YWHAZ: variants seen among roughly 807,000 people sequenced by gnomAD.
The protein encoded by YWHAZ is tyrosine 3-monooxygenase/tryptophan 5-monooxygenase activation protein zeta.
For missense variants in YWHAZ, 79 were observed against 284.8 expected (o/e 0.28, Z 5.20); for synonymous variants, 87 against 103.6 (o/e 0.84, Z 0.97).
chr8:100,945,729 C>T (rs1186966750), intron 2 of YWHAZ, among the ~76,000 whole-genome samples: 2 of 151,926 alleles, frequency 1.3e-5, no homozygotes, highest in African/African-American at 2.4e-5. Flanking sequence ...TTTCCAGAGT[C>T]GATGTGACCT....
chr8:100,934,382 A>G lies in YWHAZ; in HGVS notation c.295-9343T>C, dbSNP rs1159697664. Among the ~76,000 whole-genome samples the G allele has an allele frequency of 2.6e-5, 4 of 151,220 alleles. No individual in the cohort carries two copies. In the East Asian group the frequency reaches 7.8e-4, roughly 30 times the overall value. ...AAGTAAGTTGCTACATACCCAAATA[A>G]TAGAATACTATACAGACATTAAGAG... On this transcript the variant is annotated intron_variant, in intron 2 of 5. Transcript: ENST00000395958.
intron 2 of YWHAZ, among the ~76,000 whole-genome samples, chr8:100,934,667 T>C (rs570575496): frequency 3.9e-4 from 59 of 152,150 alleles, no homozygotes; most frequent in Non-Finnish European, 6.3e-4. Flanking sequence ...ACCTGGGCGA[T>C]AGGGCGAGAC....
rs1055123210 is a variant in YWHAZ at position 100,916,625 on chromosome 8, A to G, written c.*4068T>C. 1.3e-5 allele frequency: 2 copies of G among 152,250 alleles called. No homozygotes were observed. The highest frequency in any genetic ancestry group is 4.8e-5 in the African/African-American group (2 of 41,462). 9.4% of individuals were successfully genotyped at this position (152,250 alleles called of 1,614,324 possible). A position where few individuals can be genotyped will look rare whatever the true frequency, so the allele number is the denominator to read the frequency against. On this transcript the variant is annotated 3_prime_UTR_variant, in exon 6 of 6. Transcript: ENST00000395958. The stretch of plus-strand genomic sequence containing the variant: ...GAATACTAAGAAGTAATCAATTAAG[A>G]CCAGTTAGGTTTGGACTTTCAAGGA...
chr8:100,925,606 A>T (rs1167731617), intron 2 of YWHAZ, among the ~76,000 whole-genome samples: 1 of 152,228 alleles, frequency 6.6e-6, no homozygotes, highest in Non-Finnish European at 1.5e-5. Context: ...TTTCCTAAAG[A>T]CAGTGGTAGG....
intron 5 of YWHAZ, among the ~76,000 whole-genome samples, chr8:100,921,202 T>C (rs1357195284): frequency 6.6e-6 from 1 of 152,062 alleles, no homozygotes; most frequent in Non-Finnish European, 1.5e-5. Flanking sequence ...CCCATCTAAT[T>C]TTTGTATTTT....
At chr8:100,935,210 T>C (rs1317240971) in intron 2 of YWHAZ, among the ~76,000 whole-genome samples, 8 of 152,180 alleles carry the variant, frequency 5.3e-5, no homozygotes, top group Admixed American at 2.6e-4. Flanking sequence ...ACTCTTAACC[T>C]ACTCATAGGC....
rs574013024 is a variant in YWHAZ, at chr8:100,934,691, CAA to C, written c.295-9654_295-9653del. 1.8e-4 allele frequency among the ~76,000 whole-genome samples: 27 copies of C among 152,052 alleles called. No homozygotes were observed. The South Asian group carries it at 5.0e-3, about 28-fold the overall frequency. ...ATAGGGCGAGACTGTCTCCAAAAAA[CAA>C]AAGAGTAAGGAGGTACCTGTCAAAA... On this transcript the variant is annotated intron_variant, in intron 2 of 5. Coordinates refer to ENST00000395958, the MANE Select transcript of YWHAZ (RefSeq NM_145690.3).
At chr8:100,950,793 C>G (rs1239042047) in intron 1 of YWHAZ, 1 of 177,110 alleles carries the variant, frequency 5.6e-6, no homozygotes, top group Non-Finnish European at 1.1e-5. Flanking sequence ...TCCCCGCCAC[C>G]GATCAGCGCC....
intron 2 of YWHAZ, among the ~76,000 whole-genome samples, chr8:100,927,340 A>T: frequency 6.6e-6 from 1 of 152,090 alleles, no homozygotes; most frequent in East Asian, 1.9e-4. Flanking sequence ...ACCCCGGTGA[A>T]CATGAGATCC....
rs1297435331 is a variant in YWHAZ, at chr8:100,951,982, C to T, written c.-65G>A. 4 of 1,002,438 alleles carry T rather than the reference C, an allele frequency of 4.0e-6. No individual in the cohort carries two copies. The highest frequency in any genetic ancestry group is 1.7e-5 in the African/African-American group (1 of 57,256). The allele number at this position is 1,002,438 out of a possible 1,614,324, so 62.1% of individuals were successfully genotyped here. ...ACGGACGGGCTCAGCAGTCTCTGGG[C>T]GGCGGCGGCGGCAGCAGCGGCGAGG... On this transcript the variant is annotated 5_prime_UTR_variant, in exon 1 of 6. Coordinates refer to ENST00000395958, the MANE Select transcript of YWHAZ (RefSeq NM_145690.3).
intron 5 of YWHAZ, 120 bp from the exon 6 acceptor site, chr8:100,920,872 C>G (rs1010581701): frequency 2.4e-6 from 2 of 828,600 alleles, no homozygotes; most frequent in African/African-American, 3.5e-5. Flanking sequence ...AAAAAGATAG[C>G]AGCATCACTT....
At chr8:100,952,462 C>G (rs1361330589), upstream of YWHAZ, 1 of 154,096 alleles carries the variant, frequency 6.5e-6, no homozygotes, top group African/African-American at 2.4e-5. Flanking sequence ...GCGTTCTCTC[C>G]CTACCCCCAC....
chr8:100,937,184 A>C (rs2130251371), intron 2 of YWHAZ, among the ~76,000 whole-genome samples: 1 of 152,302 alleles, frequency 6.6e-6, no homozygotes, highest in South Asian at 2.1e-4. Context: ...CCTCTTTCTA[A>C]ATCTGAAATT....
chr8:100,921,179 A>T (rs892229572), intron 5 of YWHAZ, among the ~76,000 whole-genome samples: 1 of 152,090 alleles, frequency 6.6e-6, no homozygotes, highest in Non-Finnish European at 1.5e-5. Context: ...GACTACAGGC[A>T]TGTGCCACCA....
intron 5 of YWHAZ, 43 bp from the exon 6 acceptor site, chr8:100,920,795 T>TCGGGG (rs373030011): frequency 1.1e-4 from 10 of 88,798 alleles, no homozygotes; most frequent in South Asian, 8.9e-4. Flanking sequence ...TTCAGTGGGA[T>TCGGGG]GGGGGGGGGG....
At chr8:100,929,054 A>T (rs2130166887) in intron 2 of YWHAZ, among the ~76,000 whole-genome samples, 1 of 152,360 alleles carries the variant, frequency 6.6e-6, no homozygotes, top group Middle Eastern at 3.4e-3. Context: ...GGAGATTCAT[A>T]AAGAAGATGT....
In YWHAZ at chr8:100,948,543, G is replaced by C; in HGVS notation, c.294+53C>G. The C allele has an allele frequency of 1.3e-6, 2 of 1,539,476 alleles. No individual in the cohort carries two copies. Among genetic ancestry groups the C allele is most frequent in the Admixed American group, 4.0e-5 (2 of 49,888 alleles). ...ACAAAAAGTTAAGAGTAATGTAACT[G>C]ATACTCATAGGGACCCTACAGTATA... On this transcript the variant is annotated intron_variant, in intron 2 of 5. Coordinates refer to ENST00000395958, the MANE Select transcript of YWHAZ (RefSeq NM_145690.3). This position sits in a 1 kb window ranked among gnomAD's most constrained non-coding sequence, Gnocchi z 4.2.
intron 1 of YWHAZ, chr8:100,950,561 G>A (rs567604710): frequency 7.0e-5 from 69 of 985,360 alleles, no homozygotes; most frequent in Non-Finnish European, 7.7e-5. Flanking sequence ...TTGTCATGGC[G>A]GATCTGTGTC....
intron 2 of YWHAZ, among the ~76,000 whole-genome samples, chr8:100,930,634 TG>T (rs1813698422): frequency 6.6e-6 from 1 of 152,358 alleles, no homozygotes; most frequent in Non-Finnish European, 1.5e-5. Flanking sequence ...AAAATGTGGA[TG>T]TAAGTTTTAC....
Sources: gnomAD v4.1 joint callset for allele counts (sites outside exome capture counted in the v4.1 genomes callset) on GRCh38, gnomAD v4.1.1 for gene constraint, Gnocchi (gnomAD v3.1) non-coding constraint, MANE v1.5 for transcripts, NCBI Gene and HGNC (gene_info 2026-07-23, HGNC 2026-07-21) for gene names.